TBC1D5: variants seen among roughly 807,000 people sequenced by gnomAD.
TBC1D5 encodes TBC1 domain family member 5, also known as TBC1 domain family, member 5.
In TBC1D5, 75 loss-of-function variants were observed where a neutral mutation model predicts 100.3. The observed-to-expected ratio is 0.75, with a 90% CI of 0.62 to 0.91. The LOEUF is 0.91. Among genes scored for constraint, TBC1D5 ranks in the 40% least tolerant of loss-of-function variants. The pLI is 0.00. For synonymous variants in TBC1D5, 323 were observed against 325.6 expected, an observed-to-expected ratio of 0.99 and a Z score of 0.09; for missense variants, 910 against 942.4, an observed-to-expected ratio of 0.97 and a Z score of 0.45.
At chr3:17,468,395 A>G (rs780404042) in intron 3 of TBC1D5, among the ~76,000 whole-genome samples, 1 of 152,108 alleles carries the variant, frequency 6.6e-6, no homozygotes, top group Admixed American at 6.5e-5. Flanking sequence ...ATTTTTTTTC[A>G]ATAATAACTG....
chr3:17,682,436 G>GA (rs1475150475), intron 1 of TBC1D5, among the ~76,000 whole-genome samples: 1 of 151,338 alleles, frequency 6.6e-6, no homozygotes, highest in African/African-American at 2.5e-5. Context: ...TAAAACATCA[G>GA]AGTTATCATT....
intron 2 of TBC1D5, among the ~76,000 whole-genome samples, chr3:17,592,580 T>C (rs929805972): frequency 2.0e-5 from 3 of 152,218 alleles, no homozygotes; most frequent in East Asian, 1.9e-4. Context: ...TCTGGGTTTG[T>C]TACTCCAGCT....
At chr3:17,316,511 C>A (rs548616143) in intron 13 of TBC1D5, among the ~76,000 whole-genome samples, 68 of 152,262 alleles carry the variant, frequency 4.5e-4, no homozygotes, top group African/African-American at 1.5e-3. Flanking sequence ...AGGTTAAGAA[C>A]TGCTCTATAT....
intron 15 of TBC1D5, among the ~76,000 whole-genome samples, chr3:17,276,166 T>C (rs1457046735): frequency 6.6e-6 from 1 of 152,162 alleles, no homozygotes; most frequent in Non-Finnish European, 1.5e-5. Context: ...TAAGGGCTCA[T>C]TCCTCGGTTC....
At chr3:17,261,764 C>T (rs1257716560) in intron 15 of TBC1D5, among the ~76,000 whole-genome samples, 1 of 152,074 alleles carries the variant, frequency 6.6e-6, no homozygotes, top group African/African-American at 2.4e-5. Context: ...ATCAAGTGAA[C>T]CACCCACCTC....
At chr3:17,306,977 G>A (rs910122483) in intron 14 of TBC1D5, among the ~76,000 whole-genome samples, 2 of 152,018 alleles carry the variant, frequency 1.3e-5, no homozygotes, top group African/African-American at 2.4e-5. Context: ...TTTGACCTTC[G>A]AGGCACAGAA....
chr3:17,556,514 C>A (rs910004075), intron 2 of TBC1D5, among the ~76,000 whole-genome samples: 7 of 152,256 alleles, frequency 4.6e-5, no homozygotes, highest in African/African-American at 1.7e-4. Flanking sequence ...CCTCTCGATG[C>A]CATCTTACAA....
intron 1 of TBC1D5, among the ~76,000 whole-genome samples, chr3:17,723,256 A>G (rs11128850): frequency 0.5 from 76,033 of 152,018 alleles, 20,558 homozygotes; most frequent in East Asian, 0.94. Flanking sequence ...TTCACACTGC[A>G]TGCTTGAACC....
chr3:17,250,481 A>G (rs576289467), intron 16 of TBC1D5, among the ~76,000 whole-genome samples: 1 of 152,208 alleles, frequency 6.6e-6, no homozygotes, highest in Non-Finnish European at 1.5e-5. Flanking sequence ...GCCTCCTACT[A>G]TCTCTCCAAC....
chr3:17,333,949 G>A (rs1282172250), intron 13 of TBC1D5, among the ~76,000 whole-genome samples: 1 of 151,974 alleles, frequency 6.6e-6, no homozygotes, highest in Non-Finnish European at 1.5e-5. Context: ...GGGTTTTGAG[G>A]GGATAAATTC....
At position 17,623,247 on chromosome 3, in the gene TBC1D5, T is replaced by C. The variant is rs1337341038; in HGVS notation, c.-36+602A>G. Among the ~76,000 whole-genome samples the C allele has an allele frequency of 3.3e-5, 5 of 152,186 alleles. No homozygotes were observed. In the East Asian group the frequency reaches 5.8e-4, roughly 18 times the overall value. ...GGGGTTAGGTCTCAGATTCTGCGTA[T>C]CTAGGACGCTCTCAGGTAACACCAA... On this transcript the variant is annotated intron_variant, in intron 2 of 21. Transcript: ENST00000253692.
intron 1 of TBC1D5, among the ~76,000 whole-genome samples, chr3:17,732,072 C>T (rs2076606250): frequency 6.6e-6 from 1 of 152,096 alleles, no homozygotes; most frequent in Admixed American, 6.5e-5. Context: ...AATCCCAGCA[C>T]TTTGGGAGGC....
At chr3:17,506,092 A>G (rs1449135273) in intron 3 of TBC1D5, among the ~76,000 whole-genome samples, 1 of 152,236 alleles carries the variant, frequency 6.6e-6, no homozygotes, top group Non-Finnish European at 1.5e-5. Context: ...CAGTAGTAAC[A>G]AATTCCCTAA....
intron 1 of TBC1D5, among the ~76,000 whole-genome samples, chr3:17,660,693 G>T (rs2066556713): frequency 6.6e-6 from 1 of 152,156 alleles, no homozygotes; most frequent in African/African-American, 2.4e-5. Context: ...GGTAAGTCAG[G>T]CTGATAACCT....
chr3:17,631,354 T>C (rs535225525), intron 1 of TBC1D5, among the ~76,000 whole-genome samples: 2 of 152,284 alleles, frequency 1.3e-5, no homozygotes, highest in South Asian at 4.1e-4. Context: ...CATTGATTCC[T>C]ACGGTTGAAA....
At chr3:17,269,960 A>C (rs942412589) in intron 15 of TBC1D5, among the ~76,000 whole-genome samples, 2 of 152,088 alleles carry the variant, frequency 1.3e-5, no homozygotes, top group Admixed American at 6.6e-5. Context: ...TAACATAAGC[A>C]TGTATGTATC....
chr3:17,336,998 C>T (rs984784886), intron 13 of TBC1D5, among the ~76,000 whole-genome samples: 2 of 152,038 alleles, frequency 1.3e-5, no homozygotes, highest in South Asian at 2.1e-4. Flanking sequence ...ATTATTCCTT[C>T]CTAAACTAAC....
intron 2 of TBC1D5, among the ~76,000 whole-genome samples, chr3:17,563,732 G>A (rs1576727472): frequency 6.6e-6 from 1 of 152,176 alleles, no homozygotes; most frequent in East Asian, 1.9e-4. Flanking sequence ...GTCATCACTG[G>A]GGAAAGAATT....
intron 8 of TBC1D5, among the ~76,000 whole-genome samples, chr3:17,398,401 AAAT>A (rs1294968799): frequency 7.9e-5 from 12 of 152,188 alleles, no homozygotes; most frequent in African/African-American, 2.7e-4. Context: ...CAAATAAATT[AAAT>A]AATGATGGCA....
Sources: allele counts gnomAD v4.1 joint callset (sites outside exome capture counted in the v4.1 genomes callset), GRCh38; gene constraint gnomAD v4.1.1; transcripts MANE v1.5; gene names NCBI Gene and HGNC (gene_info 2026-07-23, HGNC 2026-07-21).